SPAG1: variants seen among roughly 807,000 people sequenced by gnomAD.
SPAG1 encodes the protein sperm associated antigen 1.
SPAG1 carries 69 observed loss-of-function variants against 100.5 expected under a neutral mutation model. That is an observed-to-expected ratio of 0.69 (90% confidence interval 0.57 to 0.84). The LOEUF (loss-of-function observed/expected upper bound fraction) is 0.84, where lower values mean the gene tolerates loss of function less well. Ranked by LOEUF, SPAG1 falls within the 40% of genes least tolerant of loss-of-function variation. The pLI is 0.00. For missense variants in SPAG1, 955 were observed against 1,133.1 expected (o/e 0.84, Z 2.26); for synonymous variants, 336 against 411.6 (o/e 0.82, Z 2.22).
At position 100,194,213 on chromosome 8, in the gene SPAG1, C is replaced by T. The variant is rs762987978; in HGVS notation, c.1041C>T (p.Ser347=). The T allele has an allele frequency of 8.1e-6, 13 of 1,608,158 alleles. No individual in the cohort carries two copies. The East Asian group carries it at 1.1e-4, about 14-fold the overall frequency. ...KRMVIQEIEN[S]EDEEGKSGRK... is the part of the protein sequence containing the mutation. ...TGGTTATTCAGGAAATAGAAAACTC[C>T]GAAGATGAAGAAGGAAAAAGCGGAA... Residue 347 remains serine, a synonymous_variant, in exon 10 of 19, where the codon TCC becomes TCT. Coordinates refer to ENST00000388798, the MANE Select transcript of SPAG1 (RefSeq NM_003114.5).
intron 8 of SPAG1, among the ~76,000 whole-genome samples, chr8:100,190,668 T>TC (rs1175793728): frequency 6.9e-5 from 10 of 144,172 alleles, no homozygotes; most frequent in Non-Finnish European, 1.4e-4. Flanking sequence ...TTTTTCTTTT[T>TC]TTTTTTTTTT....
chr8:100,192,980 C>G (rs1816876411), intron 9 of SPAG1, among the ~76,000 whole-genome samples: 1 of 152,096 alleles, frequency 6.6e-6, no homozygotes, highest in African/African-American at 2.4e-5. Flanking sequence ...GGATCATATA[C>G]TTTTTGATGT....
In SPAG1 at chr8:100,213,332, G is replaced by A. The variant is rs1197583201; in HGVS notation, c.1339G>A (p.Gly447Ser). The change falls in exon 11 of 19, where the codon GGC (glycine) becomes AGC (serine). Residue 447 changes from glycine (G) to serine (S), a missense_variant. Gly to Ser is a moderately conservative substitution (Grantham distance 56). Coordinates refer to ENST00000388798, the MANE Select transcript of SPAG1 (RefSeq NM_003114.5). ...CGGGCAGGGCGCGGAGAACCCTGCC[G>A]GCCTGAAGAGCCAGGGCAACGAGCT... is the stretch of plus-strand genomic sequence containing the variant. The part of the protein sequence containing the change: ...GGGQGAENPA[G>S]LKSQGNELFR... 1.5e-6 allele frequency: 2 copies of A among 1,341,350 alleles called. No homozygotes were observed. The highest frequency in any genetic ancestry group is 1.9e-6 in the Non-Finnish European group (2 of 1,043,492). The allele number at this position is 1,341,350 out of a possible 1,614,324, so 83.1% of individuals were successfully genotyped here.
intron 2 of SPAG1, 128 bp downstream of exon 2, chr8:100,162,548 G>A (rs763637459): frequency 1.4e-6 from 1 of 713,320 alleles, no homozygotes; most frequent in Non-Finnish European, 2.2e-6. Flanking sequence ...CCAAAATAGT[G>A]GTTTTGATCC....
intron 2 of SPAG1, chr8:100,165,254 C>A: frequency 1.9e-6 from 1 of 522,384 alleles, no homozygotes; most frequent in South Asian, 1.4e-5. Flanking sequence ...AGGAATAATT[C>A]GCAGTTCTGA....
intron 16 of SPAG1, 24 bp downstream of exon 16, chr8:100,233,561 C>A: frequency 8.3e-6 from 13 of 1,559,122 alleles, no homozygotes; most frequent in Non-Finnish European, 1.1e-5. Context: ...CATTTTAATG[C>A]ATAAACTTCA....
Position 100,213,013 on chromosome 8 carries a change from C to CCGCGGCCTCCGCGGCCT in SPAG1, c.1097-76_1097-75insGCGGCCTCCGCGGCCTC, listed in dbSNP as rs1817789361. On this transcript the variant is annotated intron_variant, in intron 10 of 18. Coordinates refer to ENST00000388798, the MANE Select transcript of SPAG1 (RefSeq NM_003114.5). ...GAGCCCGCCCTCCGCGTCCTGCACCCCCGCGGCCTCCGCGGCCTCCGCGGC... is the reference window on the plus strand; with the variant it reads ...GAGCCCGCCCTCCGCGTCCTGCACCCCGCGGCCTCCGCGGCCTCCGCGGCCTCCGCGGCCTCCGCGGC... 4 of 1,051,008 alleles carry CCGCGGCCTCCGCGGCCT rather than the reference C, an allele frequency of 3.8e-6. No individual in the cohort carries two copies. In the African/African-American group the frequency reaches 6.9e-5, roughly 18 times the overall value. The allele number at this position is 1,051,008 out of a possible 1,614,324, so 65.1% of individuals were successfully genotyped here.
rs1163831522 is a variant in SPAG1, at chr8:100,213,421, G to A, written c.1428G>A (p.Glu476=). Residue 476 remains glutamate, a synonymous_variant, in exon 11 of 19, where the codon GAG becomes GAA. Transcript: ENST00000388798. ...ACTCGGCGGCAATCGCGCTCCTGGA[G>A]CCAGCAGGTAGGTGCGCCGCGCCCC... is the stretch of plus-strand genomic sequence containing the variant. ...GKYSAAIALL[E]PAGSEIADDL... 6 of 1,418,574 alleles carry A rather than the reference G, an allele frequency of 4.2e-6. No individual in the cohort carries two copies. The East Asian group carries it at 1.5e-4, about 35-fold the overall frequency. 87.9% of individuals were successfully genotyped at this position (1,418,574 alleles called of 1,614,324 possible). A position where few individuals can be genotyped will look rare whatever the true frequency, so the allele number is the denominator to read the frequency against.
chr8:100,236,823 A>G (rs1819027687), intron 16 of SPAG1, among the ~76,000 whole-genome samples: 1 of 152,208 alleles, frequency 6.6e-6, no homozygotes, highest in Non-Finnish European at 1.5e-5. Flanking sequence ...TTTACACCCA[A>G]TAGAGGGTGC....
intron 10 of SPAG1, among the ~76,000 whole-genome samples, chr8:100,200,132 T>A (rs1353579565): frequency 1.3e-5 from 2 of 152,204 alleles, no homozygotes; most frequent in African/African-American, 4.8e-5. Flanking sequence ...GTGTGTGATG[T>A]TCCTCTTCCT....
intron 10 of SPAG1, among the ~76,000 whole-genome samples, chr8:100,198,352 A>G (rs1817122762): frequency 6.6e-6 from 1 of 152,198 alleles, no homozygotes; most frequent in Admixed American, 6.5e-5. Context: ...CATAAAAAAA[A>G]CTAAAAGACA....
intron 10 of SPAG1, 44 bp from the exon 11 acceptor site, chr8:100,213,046 C>T: frequency 7.9e-7 from 1 of 1,259,656 alleles, no homozygotes; most frequent in Non-Finnish European, 1.0e-6. Context: ...GGCAACTGCT[C>T]CCGGTGATGC....
At chr8:100,228,410 CAAAAA>C (rs71274969) in intron 14 of SPAG1, among the ~76,000 whole-genome samples, 5 of 129,554 alleles carry the variant, frequency 3.9e-5, no homozygotes, top group Admixed American at 7.9e-5. Flanking sequence ...CCATCTCTAC[CAAAAA>C]AAAAAAAAAA....
intron 3 of SPAG1, among the ~76,000 whole-genome samples, chr8:100,174,963 T>C (rs1816039414): frequency 7.3e-6 from 1 of 137,668 alleles, no homozygotes; most frequent in Non-Finnish European, 1.5e-5. Context: ...GATTTATTAT[T>C]TCATGGCTTT....
chr8:100,172,700 G>A (rs1046840010), intron 3 of SPAG1, among the ~76,000 whole-genome samples: 3 of 151,690 alleles, frequency 2.0e-5, no homozygotes, highest in African/African-American at 4.8e-5. Flanking sequence ...ATATATATGT[G>A]TGTATACACA....
chr8:100,199,680 C>G (rs984088562), intron 10 of SPAG1, among the ~76,000 whole-genome samples: 1 of 152,190 alleles, frequency 6.6e-6, no homozygotes, highest in African/African-American at 2.4e-5. Context: ...CCCCTGACCT[C>G]AGGTGATCCA....
At chr8:100,180,889 AC>A (rs2132250526) in intron 4 of SPAG1, among the ~76,000 whole-genome samples, 1 of 152,336 alleles carries the variant, frequency 6.6e-6, no homozygotes, top group Non-Finnish European at 1.5e-5. Context: ...GCAGATATTA[AC>A]AAATTGTGAT....
intron 14 of SPAG1, among the ~76,000 whole-genome samples, chr8:100,226,823 A>C: frequency 6.6e-6 from 1 of 152,224 alleles, no homozygotes; most frequent in Admixed American, 6.5e-5. Context: ...AAATATAATC[A>C]TGTGCTCATA....
chr8:100,199,517 C>T (rs942101069), intron 10 of SPAG1, among the ~76,000 whole-genome samples: 3 of 152,162 alleles, frequency 2.0e-5, no homozygotes, highest in African/African-American at 4.8e-5. Flanking sequence ...ATGATCTTGG[C>T]TCACTACAAC....
Sources: allele counts gnomAD v4.1 joint callset (sites outside exome capture counted in the v4.1 genomes callset), GRCh38; gene constraint gnomAD v4.1.1; transcripts MANE v1.5; gene names NCBI Gene and HGNC (gene_info 2026-07-23, HGNC 2026-07-21).